Variants in CDK5RAP2 observed in about 807,000 individuals in gnomAD.
CDK5RAP2 encodes CDK5 regulatory subunit associated protein 2, also known as CDK5 regulatory subunit-associated protein 2.
In CDK5RAP2, 147 loss-of-function variants were observed where a neutral mutation model predicts 232.9. The observed-to-expected ratio is 0.63, with a 90% confidence interval of 0.55 to 0.72. The LOEUF (loss-of-function observed/expected upper bound fraction) is 0.72. CDK5RAP2 is among the 30% of genes least tolerant of loss of function. The probability of loss-of-function intolerance (pLI) is 0.00; values close to 1 mark genes in which losing one functional copy is unlikely to be tolerated. For synonymous variants in CDK5RAP2, 833 were observed against 833.7 expected (o/e 1.00, Z 0.01); for missense variants, 2,195 against 2,231.5 (o/e 0.98, Z 0.33).
chr9:120,481,173 C>T (rs2038285269), intron 14 of CDK5RAP2, among the ~76,000 whole-genome samples: 1 of 152,212 alleles, frequency 6.6e-6, no homozygotes, highest in Non-Finnish European at 1.5e-5. Context: ...GATGAGGAAA[C>T]TGTGACACAC....
chr9:120,484,182 C>T (rs1201097086), intron 14 of CDK5RAP2, among the ~76,000 whole-genome samples: 1 of 152,174 alleles, frequency 6.6e-6, no homozygotes, highest in African/African-American at 2.4e-5. Flanking sequence ...CAAGTTCTTT[C>T]TAGAAATGGG....
intron 36 of CDK5RAP2, among the ~76,000 whole-genome samples, chr9:120,391,407 C>G (rs936004937): frequency 3.3e-5 from 5 of 152,226 alleles, no homozygotes; most frequent in Non-Finnish European, 5.9e-5. Flanking sequence ...CAGCACAGAG[C>G]TGGGACTCAC....
chr9:120,507,766 A>G (rs1036092374), intron 12 of CDK5RAP2, among the ~76,000 whole-genome samples: 18 of 151,728 alleles, frequency 1.2e-4, no homozygotes, highest in African/African-American at 2.2e-4. Context: ...CCACAGCAAG[A>G]CCTGTATGAT....
chr9:120,563,717 G>A (rs2042543490), intron 3 of CDK5RAP2, among the ~76,000 whole-genome samples: 1 of 152,170 alleles, frequency 6.6e-6, no homozygotes, highest in African/African-American at 2.4e-5. Flanking sequence ...TACACACCAT[G>A]GTGCTTCTGA....
At chr9:120,539,198 G>A in intron 5 of CDK5RAP2, 34 bp from the exon 6 acceptor site, 2 of 1,613,150 alleles carry the variant, frequency 1.2e-6, no homozygotes, top group Admixed American at 3.3e-5. Flanking sequence ...AAACATGCAA[G>A]GGTGATGGTC....
chr9:120,430,950 A>C (rs535435756), intron 25 of CDK5RAP2, among the ~76,000 whole-genome samples: 1 of 152,368 alleles, frequency 6.6e-6, no homozygotes, highest in African/African-American at 2.4e-5. Context: ...TGATGAGTTC[A>C]TGTCCTTTGT....
chr9:120,397,527 G>A (rs868862301), intron 35 of CDK5RAP2, among the ~76,000 whole-genome samples: 72 of 119,442 alleles, frequency 6.0e-4, no homozygotes, highest in Middle Eastern at 8.1e-3. Context: ...CCACCATCCC[G>A]GCCATAAAAA....
chr9:120,485,685 T>A (rs955506469), intron 14 of CDK5RAP2, among the ~76,000 whole-genome samples: 1 of 152,248 alleles, frequency 6.6e-6, no homozygotes, highest in African/African-American at 2.4e-5. Context: ...TGAGCTGCTA[T>A]CTTGGTGTGA....
chr9:120,406,188 T>A (rs976650451), intron 32 of CDK5RAP2: 1 of 152,236 alleles, frequency 6.6e-6, no homozygotes, highest in Non-Finnish European at 1.5e-5. Flanking sequence ...AGTCCAAACT[T>A]TAGTACAATA....
Position 120,404,106 on chromosome 9 carries a change from G to T in CDK5RAP2, c.4971C>A (p.Asp1657Glu). ...AATTATCACTTTCCATGGGATATTT[G>T]TCACCATCTACAAAATGCAAAACAC... ...VPLQPDKHDGDKYPMESDNSF... is the reference protein window; with the variant it reads ...VPLQPDKHDGEKYPMESDNSF... Residue 1657 changes from aspartate to glutamate, a missense_variant, in exon 33 of 38, where the codon GAC becomes GAA. By Grantham distance (45) the Asp-to-Glu change is conservative (BLOSUM62 2). Coordinates refer to ENST00000349780, the MANE Select transcript of CDK5RAP2 (RefSeq NM_018249.6). 6.2e-7 allele frequency: 1 copy of T among 1,610,524 alleles called. No homozygotes were observed. The highest frequency in any genetic ancestry group is 8.5e-7 in the Non-Finnish European group (1 of 1,176,702).
At chr9:120,546,518 C>A (rs1333897939) in intron 4 of CDK5RAP2, among the ~76,000 whole-genome samples, 1 of 152,198 alleles carries the variant, frequency 6.6e-6, no homozygotes, top group Non-Finnish European at 1.5e-5. Flanking sequence ...AAATGTATCC[C>A]AGACAGAATA....
chr9:120,503,042 G>C (rs2039645701), intron 12 of CDK5RAP2, among the ~76,000 whole-genome samples: 1 of 152,154 alleles, frequency 6.6e-6, no homozygotes, highest in Admixed American at 6.5e-5. Flanking sequence ...CTTTACAAAA[G>C]CTCTAGTAAG....
intron 26 of CDK5RAP2, among the ~76,000 whole-genome samples, chr9:120,421,002 T>C (rs757374015): frequency 6.6e-6 from 1 of 152,230 alleles, no homozygotes; most frequent in Non-Finnish European, 1.5e-5. Context: ...TCACTCCAAC[T>C]CCTTCTGCAA....
intron 20 of CDK5RAP2, among the ~76,000 whole-genome samples, chr9:120,455,125 G>A (rs956600376): frequency 6.6e-6 from 1 of 152,174 alleles, no homozygotes; most frequent in African/African-American, 2.4e-5. Context: ...ACATGGACTG[G>A]TTTTAGAGAA....
At position 120,439,507 on chromosome 9, in the gene CDK5RAP2, T is replaced by G; in HGVS notation, c.3614A>C (p.Gln1205Pro). 1 of 1,614,220 alleles carries G rather than the reference T, an allele frequency of 6.2e-7. No individual in the cohort carries two copies. Among genetic ancestry groups the G allele is most frequent in the Non-Finnish European group, 8.5e-7 (1 of 1,180,012 alleles). The change falls in exon 24 of 38, where the codon CAG (glutamine) becomes CCG (proline). Residue 1205 changes from glutamine (Q) to proline (P), a missense_variant. Transcript: ENST00000349780. ...DSRVLENLKQQLEEQEYKLQK... is the reference protein window; with the variant it reads ...DSRVLENLKQPLEEQEYKLQK... ...CAGCTTGTATTCCTGTTCCTCCAGC[T>G]GCTGTTTGAGGTTCTCCAGCACCCT...
chr9:120,518,283 T>G lies in CDK5RAP2; in HGVS notation c.1311+144A>C, dbSNP rs753047171. On this transcript the variant is annotated intron_variant, in intron 12 of 37. Coordinates refer to ENST00000349780, the MANE Select transcript of CDK5RAP2 (RefSeq NM_018249.6). ...GGACTGAAATACCAAATAGATCAAA[T>G]GAAGCTGGTCATTTCTAGGTACTGA... 22 of 585,472 alleles carry G rather than the reference T, an allele frequency of 3.8e-5. 1 individual carries two copies. The highest frequency in any genetic ancestry group is 3.7e-4 in the South Asian group (22 of 59,196). The allele number at this position is 585,472 out of a possible 1,614,324, so 36.3% of individuals were successfully genotyped here. A position where few individuals can be genotyped will look rare whatever the true frequency, so the allele number is the denominator to read the frequency against.
intron 16 of CDK5RAP2, 51 bp downstream of exon 16, chr9:120,471,697 T>C (rs756912038): frequency 3.7e-6 from 6 of 1,613,358 alleles, no homozygotes; most frequent in South Asian, 1.1e-5. Flanking sequence ...GTTCAGTCCA[T>C]GCCCTCCAAG....
intron 7 of CDK5RAP2, among the ~76,000 whole-genome samples, chr9:120,535,581 G>A (rs190261670): frequency 1.3e-5 from 2 of 152,380 alleles, no homozygotes; most frequent in East Asian, 1.9e-4. Context: ...TTAGCCAGCA[G>A]TTGGACTTAT....
intron 25 of CDK5RAP2, among the ~76,000 whole-genome samples, chr9:120,428,027 A>C (rs2035031173): frequency 6.6e-6 from 1 of 152,230 alleles, no homozygotes; most frequent in Non-Finnish European, 1.5e-5. Context: ...AACGAAATGA[A>C]GGCAGAAATA....
Sources: gnomAD v4.1 joint callset for allele counts (sites outside exome capture counted in the v4.1 genomes callset) on GRCh38, gnomAD v4.1.1 for gene constraint, MANE v1.5 for transcripts, NCBI Gene and HGNC (gene_info 2026-07-23, HGNC 2026-07-21) for gene names.